The following ALK variants were observed in gnomAD, a reference collection of about 807,000 sequenced individuals.
ALK encodes ALK receptor tyrosine kinase, also known as ALK tyrosine kinase receptor.
Under a neutral mutation model 163.1 loss-of-function variants are expected in ALK, and 74 were observed. The ratio of observed to expected loss-of-function variants is 0.45; its 90% CI spans 0.38 to 0.55. The LOEUF is 0.55. Ranked by LOEUF, ALK falls within the 20% of genes least tolerant of loss-of-function variation. The pLI, the probability that ALK is intolerant of heterozygous loss-of-function variation, is 0.00. For missense variants in ALK, 2,063 were observed against 2,105.3 expected, an observed-to-expected ratio of 0.98 and a Z score of 0.39; for synonymous variants, 960 against 843.2, an observed-to-expected ratio of 1.14 and a Z score of -2.40.
intron 4 of ALK, among the ~76,000 whole-genome samples, chr2:29,415,316 G>C (rs1191480133): frequency 1.3e-5 from 2 of 151,988 alleles, no homozygotes; most frequent in African/African-American, 4.8e-5. Flanking sequence ...GGAAGACACT[G>C]ATGCTAGAGT....
intron 1 of ALK, among the ~76,000 whole-genome samples, chr2:29,782,645 T>C (rs2148351462): frequency 6.6e-6 from 1 of 152,150 alleles, no homozygotes; most frequent in East Asian, 1.9e-4. Flanking sequence ...GGAATACCTT[T>C]AGGAGGCAGA....
At chr2:29,291,643 C>T (rs1406233) in intron 9 of ALK, among the ~76,000 whole-genome samples, 15,275 of 152,258 alleles carry the variant, frequency 0.1, 799 homozygotes, top group Non-Finnish European at 0.12. Context: ...AAGCACTCAA[C>T]AAACGCTAGC....
At chr2:29,838,384 A>T (rs4494694) in intron 1 of ALK, among the ~76,000 whole-genome samples, 1 of 152,022 alleles carries the variant, frequency 6.6e-6, no homozygotes, top group African/African-American at 2.4e-5. Flanking sequence ...TGAAACCCAC[A>T]CATGATAAAT....
At chr2:29,824,544 C>A (rs1572409793) in intron 1 of ALK, among the ~76,000 whole-genome samples, 1 of 152,356 alleles carries the variant, frequency 6.6e-6, no homozygotes, top group Non-Finnish European at 1.5e-5. Flanking sequence ...CCACCTCTTG[C>A]AGGTGTGACC....
chr2:29,767,307 G>C (rs971046830), intron 1 of ALK, among the ~76,000 whole-genome samples: 2 of 152,214 alleles, frequency 1.3e-5, no homozygotes, highest in Admixed American at 1.3e-4. Flanking sequence ...TTTAAAGGCA[G>C]AGCAGGGATA....
At chr2:29,575,834 T>G (rs1043333942) in intron 3 of ALK, among the ~76,000 whole-genome samples, 33 of 152,344 alleles carry the variant, frequency 2.2e-4, no homozygotes, top group Admixed American at 6.5e-4. Flanking sequence ...TGGTCAAGTC[T>G]GCTGGGGTTG....
chr2:29,784,528 T>C (rs13392140), intron 1 of ALK, among the ~76,000 whole-genome samples: 27,607 of 152,006 alleles, frequency 0.18, 2,858 homozygotes, highest in East Asian at 0.39. Context: ...AAACCCTGTC[T>C]CTACTAAAAG....
At chr2:29,501,523 G>A (rs1049645708) in intron 4 of ALK, among the ~76,000 whole-genome samples, 13 of 152,192 alleles carry the variant, frequency 8.5e-5, no homozygotes, top group African/African-American at 2.9e-4. Context: ...TGCCCAGGGG[G>A]TGTCCTTAGC....
intron 1 of ALK, among the ~76,000 whole-genome samples, chr2:29,903,515 A>G (rs934528629): frequency 1.4e-4 from 22 of 152,122 alleles, no homozygotes; most frequent in African/African-American, 4.8e-4. Flanking sequence ...GGAAGAGAAA[A>G]TAGTTTTTAT....
intron 1 of ALK, among the ~76,000 whole-genome samples, chr2:29,869,810 G>A (rs893622547): frequency 1.3e-5 from 2 of 152,170 alleles, no homozygotes; most frequent in African/African-American, 4.8e-5. Flanking sequence ...CTGCCACAAA[G>A]ATTATAAGCA....
intron 3 of ALK, among the ~76,000 whole-genome samples, chr2:29,596,207 C>A (rs948216322): frequency 6.6e-6 from 1 of 152,178 alleles, no homozygotes; most frequent in Non-Finnish European, 1.5e-5. Context: ...CCAGATTTTT[C>A]TTTCCCTAAC....
chr2:29,780,435 T>C (rs1290670872), intron 1 of ALK, among the ~76,000 whole-genome samples: 2 of 152,234 alleles, frequency 1.3e-5, no homozygotes, highest in Middle Eastern at 6.3e-3. Flanking sequence ...CTCCCACCTC[T>C]CTAGGGTATT....
intron 9 of ALK, among the ~76,000 whole-genome samples, chr2:29,278,496 CA>C (rs1364158018): frequency 6.6e-6 from 1 of 152,152 alleles, no homozygotes; most frequent in East Asian, 1.9e-4. Flanking sequence ...ACGCCTTCAT[CA>C]GGTTTCTCTA....
At chr2:29,488,917 C>T (rs958425405) in intron 4 of ALK, among the ~76,000 whole-genome samples, 1 of 152,132 alleles carries the variant, frequency 6.6e-6, no homozygotes, top group Non-Finnish European at 1.5e-5. Context: ...AACTCAGCAC[C>T]AGTAATCACT....
At position 29,420,121 on chromosome 2, in the gene ALK, C is replaced by T. The variant is rs182214616; in HGVS notation, c.1155-36262G>A. 1.3e-3 allele frequency among the ~76,000 whole-genome samples: 185 copies of T among 140,900 alleles called. 5 individuals carry two copies. Among genetic ancestry groups the T allele is most frequent in the African/African-American group, 4.6e-3 (167 of 36,462 alleles). The allele number at this position is 140,900 out of a possible 152,430, so 92.4% of individuals were successfully genotyped here. A position where few individuals can be genotyped will look rare whatever the true frequency, so the allele number is the denominator to read the frequency against. ...GCTGTGAGTTGGGATGGTGCCACTGCACTCCAGCCTGGGTGACAAAGTGAG... is the reference window on the plus strand; with the variant it reads ...GCTGTGAGTTGGGATGGTGCCACTGTACTCCAGCCTGGGTGACAAAGTGAG... On this transcript the variant is annotated intron_variant, in intron 4 of 28. Coordinates refer to ENST00000389048, the MANE Select transcript of ALK (RefSeq NM_004304.5).
chr2:29,500,597 C>G (rs892857894), intron 4 of ALK, among the ~76,000 whole-genome samples: 5 of 152,024 alleles, frequency 3.3e-5, no homozygotes, highest in African/African-American at 4.8e-5. Flanking sequence ...TTATCCTCAT[C>G]ATGTGCTCTA....
intron 3 of ALK, among the ~76,000 whole-genome samples, chr2:29,673,539 T>C (rs62129329): frequency 0.78 from 55,512 of 71,580 alleles, 22,089 homozygotes; most frequent in African/African-American, 0.89. Context: ...TGATCTATAT[T>C]TCTGTTTTGG....
At chr2:29,680,722 T>G (rs1204994825) in intron 3 of ALK, among the ~76,000 whole-genome samples, 1 of 152,164 alleles carries the variant, frequency 6.6e-6, no homozygotes, top group African/African-American at 2.4e-5. Flanking sequence ...ATTAGCTTTT[T>G]GTTTTCTTAT....
intron 2 of ALK, among the ~76,000 whole-genome samples, chr2:29,695,531 G>A (rs1678529557): frequency 6.6e-6 from 1 of 152,176 alleles, no homozygotes; most frequent in Non-Finnish European, 1.5e-5. Flanking sequence ...AACATGTAAT[G>A]TATGTGCGGC....
Sources: allele counts gnomAD v4.1 joint callset (sites outside exome capture counted in the v4.1 genomes callset), GRCh38; gene constraint gnomAD v4.1.1; transcripts MANE v1.5; gene names NCBI Gene and HGNC (gene_info 2026-07-23, HGNC 2026-07-21).